The following BROX variants were observed in gnomAD, a reference collection of about 807,000 sequenced individuals.
The protein encoded by BROX is BRO1 domain and CAAX motif containing.
Under a neutral mutation model 61.0 loss-of-function variants are expected in BROX, and 53 were observed. The ratio of observed to expected loss-of-function variants is 0.87; its 90% CI spans 0.70 to 1.09. The LOEUF (loss-of-function observed/expected upper bound fraction) is 1.09. BROX is among the 50% of genes least tolerant of loss of function. BROX has a pLI of 0.00. For synonymous variants in BROX, 152 were observed against 160.2 expected, an observed-to-expected ratio of 0.95 and a Z score of 0.38; for missense variants, 489 against 472.0, an observed-to-expected ratio of 1.04 and a Z score of -0.33.
intron 2 of BROX, chr1:222,717,961 A>G (rs1195569053): frequency 6.6e-6 from 1 of 152,198 alleles, no homozygotes; most frequent in Non-Finnish European, 1.5e-5. Context: ...GTCTTTGGTC[A>G]TACCCATGTA....
rs1424208209 is a variant in BROX at position 222,733,826 on chromosome 1, G to GT, written c.*1118dup. 3 of 152,146 alleles carry GT rather than the reference G, an allele frequency of 2.0e-5. No individual in the cohort carries two copies. The highest frequency in any genetic ancestry group is 4.4e-5 in the Non-Finnish European group (3 of 68,012). 9.4% of individuals were successfully genotyped at this position (152,146 alleles called of 1,614,324 possible). A position where few individuals can be genotyped will look rare whatever the true frequency, so the allele number is the denominator to read the frequency against. Reference sequence around the variant, plus strand: ...TATAAGAGAAGACAGAATGGAAAATGTTTTTTGAAGTCAAATATTGCATGA... The same window carrying GT: ...TATAAGAGAAGACAGAATGGAAAATGTTTTTTTGAAGTCAAATATTGCATGA... On this transcript the variant is annotated 3_prime_UTR_variant, in exon 13 of 13. Coordinates refer to ENST00000340934, the MANE Select transcript of BROX (RefSeq NM_144695.4).
chr1:222,728,008 A>G (rs1657631920), intron 8 of BROX, among the ~76,000 whole-genome samples: 1 of 152,184 alleles, frequency 6.6e-6, no homozygotes, highest in Admixed American at 6.5e-5. Context: ...GATGAGTGGT[A>G]GGAGAAGAGT....
chr1:222,717,779 C>T (rs1280028896), intron 2 of BROX: 10 of 152,192 alleles, frequency 6.6e-5, no homozygotes, highest in Non-Finnish European at 1.3e-4. Context: ...ACCTTATAGT[C>T]TAAATCTCAA....
Position 222,715,683 on chromosome 1 carries a change from G to C in BROX, c.-16-1G>C, listed in dbSNP as rs777196603. On this transcript the variant is annotated splice_acceptor_variant, in intron 1 of 12. Transcript: ENST00000340934. LOFTEE classifies it low-confidence loss of function (5UTR_SPLICE). ...TATATTTTTTACTTTTTTGTCTATA[G>C]AAAACATCTGGAGAAAATGACCCAT... 1.5e-5 allele frequency: 22 copies of C among 1,423,544 alleles called. No individual in the cohort carries two copies. The highest frequency in any genetic ancestry group is 1.9e-5 in the Non-Finnish European group (21 of 1,077,416). The allele number at this position is 1,423,544 out of a possible 1,614,324, so 88.2% of individuals were successfully genotyped here. A position where few individuals can be genotyped will look rare whatever the true frequency, so the allele number is the denominator to read the frequency against.
chr1:222,730,640 C>T (rs982203507), intron 11 of BROX, among the ~76,000 whole-genome samples: 3 of 152,096 alleles, frequency 2.0e-5, no homozygotes, highest in Non-Finnish European at 4.4e-5. Context: ...TCTTTAAATT[C>T]GTGATAAATT....
At chr1:222,713,892 T>A (rs1192490276) in intron 1 of BROX, 2 of 152,150 alleles carry the variant, frequency 1.3e-5, no homozygotes, top group Non-Finnish European at 2.9e-5. Context: ...ACCTGCTCAG[T>A]TTTTCGTTGG....
At chr1:222,727,587 T>C (rs1180231843) in intron 8 of BROX, among the ~76,000 whole-genome samples, 4 of 152,204 alleles carry the variant, frequency 2.6e-5, no homozygotes, top group Admixed American at 6.5e-5. Context: ...ATTCAACTGC[T>C]AGAAAGTGGG....
At chr1:222,721,044 T>C (rs1368997406) in intron 4 of BROX, among the ~76,000 whole-genome samples, 1 of 152,170 alleles carries the variant, frequency 6.6e-6, no homozygotes, top group Non-Finnish European at 1.5e-5. Context: ...TACTTTTATG[T>C]GGTGTCATAG....
Position 222,722,115 on chromosome 1 carries a change from C to T in BROX, c.306-304C>T, listed in dbSNP as rs144347426. Among the ~76,000 whole-genome samples, 229 of 152,252 alleles carry T rather than the reference C, an allele frequency of 1.5e-3. 6 individuals are homozygous for T. In the South Asian group the frequency reaches 0.021, roughly 14 times the overall value. ...ATTCTAAGCCCCATCCCAGGCTTTC[C>T]GACTCTGGGATTAAGGCCCAGAAAT... On this transcript the variant is annotated intron_variant, in intron 4 of 12. Transcript: ENST00000340934.
Position 222,729,642 on chromosome 1 carries a change from C to T in BROX, c.779C>T (p.Thr260Ile), listed in dbSNP as rs1438930826. The stretch of plus-strand genomic sequence containing the variant: ...CAGGCTTACTGTTACCATGGTGAGA[C>T]TTTATTGGCTAGTGATAAATGCGGT... Reference protein sequence around the residue: ...TAYAYCYHGETLLASDKCGEA... With the variant: ...TAYAYCYHGEILLASDKCGEA... Residue 260 changes from threonine to isoleucine, a missense_variant, in exon 10 of 13, where the codon ACT becomes ATT. By Grantham distance (89) the Thr-to-Ile change is moderately conservative (BLOSUM62 -1). Transcript: ENST00000340934. The T allele has an allele frequency of 6.2e-7, 1 of 1,612,884 alleles. No homozygotes were observed. Among genetic ancestry groups the T allele is most frequent in the Admixed American group, 1.7e-5 (1 of 60,004 alleles).
intron 2 of BROX, among the ~76,000 whole-genome samples, chr1:222,718,392 G>T (rs1478566256): frequency 6.6e-6 from 1 of 152,078 alleles, no homozygotes; most frequent in Non-Finnish European, 1.5e-5. Context: ...ACATGTCAAG[G>T]ATATGTAATG....
intron 7 of BROX, 66 bp downstream of exon 7, chr1:222,725,621 A>G (rs1394394154): frequency 7.4e-7 from 1 of 1,347,726 alleles, no homozygotes; most frequent in African/African-American, 1.5e-5. Flanking sequence ...CCTCTTTAAA[A>G]ATCAGAAGTT....
rs749849840 is a variant in BROX, at chr1:222,727,185, A to G, written c.598A>G (p.Ile200Val). Residue 200 changes from isoleucine to valine, a missense_variant, in exon 8 of 13, where the codon ATT becomes GTT. By Grantham distance (29) the Ile-to-Val change is conservative. Coordinates refer to ENST00000340934, the MANE Select transcript of BROX (RefSeq NM_144695.4). The stretch of plus-strand genomic sequence containing the variant: ...GGTTACAGTAACAATTGCTCGAGCA[A>G]TTGAACTAAAACATGCTCCTGGACT... Reference protein sequence around the residue: ...EAQEVTIARAIELKHAPGLIA... With the variant: ...EAQEVTIARAVELKHAPGLIA... 9 of 1,612,738 alleles carry G rather than the reference A, an allele frequency of 5.6e-6. No homozygotes were observed. Among genetic ancestry groups the G allele is most frequent in the East Asian group, 2.2e-5 (1 of 44,842 alleles).
At chr1:222,719,483 A>G (rs1656902629) in intron 4 of BROX, 124 bp downstream of exon 4, 1 of 660,858 alleles carries the variant, frequency 1.5e-6, no homozygotes, top group Non-Finnish European at 2.7e-6. Context: ...TTCTCTTACC[A>G]GGAAATTAAT....
intron 6 of BROX, 144 bp from the exon 7 acceptor site, chr1:222,725,306 T>A (rs1243223713): frequency 1.8e-6 from 1 of 545,034 alleles, no homozygotes; most frequent in Non-Finnish European, 3.3e-6. Flanking sequence ...TGTTGTTAGT[T>A]TTTATAGTTT....
In BROX at chr1:222,732,735, T is replaced by TAA. The variant is rs761459323; in HGVS notation, c.*21_*22insAA. On this transcript the variant is annotated 3_prime_UTR_variant, in exon 13 of 13. Transcript: ENST00000340934. ...CCTAAAATACAACTTGCACTTAGAA[T>TAA]TTCTCTAGCAGTAAATAAGATAAAC... is the stretch of plus-strand genomic sequence containing the variant. The TAA allele has an allele frequency of 6.4e-7, 1 of 1,562,238 alleles. No individual in the cohort carries two copies. The highest frequency in any genetic ancestry group is 8.8e-7 in the Non-Finnish European group (1 of 1,137,528).
At position 222,731,500 on chromosome 1, in the gene BROX, G is replaced by C. The variant is rs774492843; in HGVS notation, c.1133G>C (p.Arg378Thr). 2 of 1,587,840 alleles carry C rather than the reference G, an allele frequency of 1.3e-6. No individual in the cohort carries two copies. The highest frequency in any genetic ancestry group is 1.7e-6 in the Non-Finnish European group (2 of 1,173,314). Residue 378 changes from arginine to threonine, a missense_variant, in exon 12 of 13, where the codon AGA (arginine) becomes ACA (threonine). By Grantham distance (71) the Arg-to-Thr change is moderately conservative. Coordinates refer to ENST00000340934, the MANE Select transcript of BROX (RefSeq NM_144695.4). ...ETLAAFDLTK[R>T]PKDDSTKPKP... ...TTGGCTGCATTTGATCTCACCAAAA[G>C]ACCCAAGGATGACAGTGTATGAGAT...
Position 222,713,402 on chromosome 1 carries a change from G to A in BROX, c.-17+460G>A, listed in dbSNP as rs569189528. 6.6e-5 allele frequency: 65 copies of A among 985,486 alleles called. No individual in the cohort carries two copies. In the African/African-American group the frequency reaches 1.1e-3, roughly 16 times the overall value. The allele number at this position is 985,486 out of a possible 1,614,324, so 61.0% of individuals were successfully genotyped here. A position where few individuals can be genotyped will look rare whatever the true frequency, so the allele number is the denominator to read the frequency against. On this transcript the variant is annotated intron_variant, in intron 1 of 12. Coordinates refer to ENST00000340934, the MANE Select transcript of BROX (RefSeq NM_144695.4). ...AACAGGAAGTGGGCGCTCAGAGCTC[G>A]GGGGCGGCGCTCAGGTAGGTTCCTC... is the stretch of plus-strand genomic sequence containing the variant.
chr1:222,722,569 G>A (rs544342401), intron 5 of BROX, 55 bp downstream of exon 5: 34 of 1,215,052 alleles, frequency 2.8e-5, no homozygotes, highest in African/African-American at 2.3e-4. Context: ...AGTATGTGGC[G>A]CTTCATTATT....
Sources: gnomAD v4.1 joint callset for allele counts (sites outside exome capture counted in the v4.1 genomes callset) on GRCh38, gnomAD v4.1.1 for gene constraint, MANE v1.5 for transcripts, NCBI Gene and HGNC (gene_info 2026-07-23, HGNC 2026-07-21) for gene names.